The following RBFOX1 variants were observed in gnomAD, a reference collection of about 807,000 sequenced individuals.
The protein encoded by RBFOX1 is RNA binding fox-1 homolog 1.
A neutral mutation model predicts 57.7 loss-of-function variants in RBFOX1; 8 were observed. That is an observed-to-expected ratio of 0.14 (90% confidence interval 0.08 to 0.25). RBFOX1 has a LOEUF of 0.25. RBFOX1 is among the 10% of genes least tolerant of loss of function. The pLI is 1.00. For missense variants in RBFOX1, 611 were observed against 548.5 expected (o/e 1.11, Z -1.14); for synonymous variants, 326 against 222.4 (o/e 1.47, Z -4.15).
At chr16:5,555,119 C>G (rs992890106) in intron 2 of RBFOX1, among the ~76,000 whole-genome samples, 1 of 152,176 alleles carries the variant, frequency 6.6e-6, no homozygotes, top group Non-Finnish European at 1.5e-5. Context: ...GCCCGGGGTA[C>G]AGGGCAAGAG....
chr16:6,354,800 G>T (rs2086994818), intron 2 of RBFOX1, among the ~76,000 whole-genome samples: 1 of 152,094 alleles, frequency 6.6e-6, no homozygotes, highest in African/African-American at 2.4e-5. Flanking sequence ...AAAATTCATG[G>T]CACTTACTAA....
chr16:7,674,846 T>C (rs1359854105), intron 13 of RBFOX1, among the ~76,000 whole-genome samples: 1 of 152,162 alleles, frequency 6.6e-6, no homozygotes, highest in Non-Finnish European at 1.5e-5. Context: ...CCTTCTTCCA[T>C]TGACTGAAAC....
chr16:7,541,411 G>C (rs1440934835), intron 5 of RBFOX1, among the ~76,000 whole-genome samples: 1 of 151,904 alleles, frequency 6.6e-6, no homozygotes, highest in African/African-American at 2.4e-5. Flanking sequence ...GCTCCTTTCT[G>C]CTATGACATC....
chr16:6,243,340 A>G (rs2097550110), intron 1 of RBFOX1, among the ~76,000 whole-genome samples: 1 of 152,138 alleles, frequency 6.6e-6, no homozygotes, highest in South Asian at 2.1e-4. Flanking sequence ...AAGTATTTTG[A>G]TTCTTTAAAC....
intron 3 of RBFOX1, among the ~76,000 whole-genome samples, chr16:7,051,319 C>T (rs2049994561): frequency 1.3e-5 from 2 of 152,182 alleles, no homozygotes; most frequent in South Asian, 2.1e-4. Flanking sequence ...CACCCATCCC[C>T]TTAACCCACC....
At chr16:6,922,837 A>G (rs559627384) in intron 3 of RBFOX1, among the ~76,000 whole-genome samples, 10 of 152,322 alleles carry the variant, frequency 6.6e-5, no homozygotes, top group African/African-American at 2.2e-4. Context: ...ATGGTGTCAC[A>G]GAGCACATCA....
At chr16:6,146,309 T>A (rs574350556) in intron 1 of RBFOX1, among the ~76,000 whole-genome samples, 2 of 152,238 alleles carry the variant, frequency 1.3e-5, no homozygotes, top group Admixed American at 1.3e-4. Flanking sequence ...ATTATTTGAG[T>A]CTTTCCATTT....
At chr16:7,666,037 AT>A (rs1386062496) in intron 13 of RBFOX1, among the ~76,000 whole-genome samples, 1 of 152,180 alleles carries the variant, frequency 6.6e-6, no homozygotes, top group Non-Finnish European at 1.5e-5. Context: ...TGAACAACCC[AT>A]ATGTCCTAAT....
chr16:6,371,084 C>A (rs1231609848), intron 2 of RBFOX1, among the ~76,000 whole-genome samples: 3 of 152,102 alleles, frequency 2.0e-5, no homozygotes, highest in African/African-American at 7.2e-5. Flanking sequence ...ATTAGTTTGT[C>A]TATTATTGGT....
At chr16:6,168,052 T>C (rs996571166) in intron 1 of RBFOX1, among the ~76,000 whole-genome samples, 10 of 152,196 alleles carry the variant, frequency 6.6e-5, no homozygotes, top group African/African-American at 2.2e-4. Flanking sequence ...CAGTTTTGTC[T>C]GTGATATATT....
chr16:5,598,837 G>T, intron 2 of RBFOX1: 1 of 1,283,728 alleles, frequency 7.8e-7, no homozygotes, highest in Non-Finnish European at 1.0e-6. Context: ...GTTACTCAAG[G>T]TTAGAATTTT....
At chr16:7,223,475 G>T (rs186477342) in intron 4 of RBFOX1, among the ~76,000 whole-genome samples, 1 of 152,294 alleles carries the variant, frequency 6.6e-6, no homozygotes, top group Admixed American at 6.5e-5. Context: ...TAATGCGAAT[G>T]ATAGAATATT....
At chr16:6,021,236 A>C (rs918070812) in intron 1 of RBFOX1, among the ~76,000 whole-genome samples, 1 of 152,190 alleles carries the variant, frequency 6.6e-6, no homozygotes, top group Non-Finnish European at 1.5e-5. Flanking sequence ...TCCGTTGTGC[A>C]GAGAGGCCTG....
chr16:6,780,011 A>T (rs1399809800), intron 3 of RBFOX1, among the ~76,000 whole-genome samples: 1 of 66,556 alleles, frequency 1.5e-5, no homozygotes, highest in Non-Finnish European at 2.4e-5. Context: ...ATATATTTAT[A>T]TATATTTATA....
At chr16:7,663,117 C>A (rs1026290056) in intron 12 of RBFOX1, among the ~76,000 whole-genome samples, 2 of 152,312 alleles carry the variant, frequency 1.3e-5, no homozygotes, top group East Asian at 3.9e-4. Flanking sequence ...GTTTGGGACC[C>A]AAACTAAATA....
intron 2 of RBFOX1, among the ~76,000 whole-genome samples, chr16:6,337,899 G>A (rs2152820447): frequency 6.6e-6 from 1 of 152,252 alleles, no homozygotes; most frequent in East Asian, 1.9e-4. Context: ...GTCAATATCA[G>A]GAAGGCAGCA....
At chr16:5,694,114 T>C (rs2050775324) in intron 3 of RBFOX1, among the ~76,000 whole-genome samples, 1 of 152,186 alleles carries the variant, frequency 6.6e-6, no homozygotes, top group South Asian at 2.1e-4. Context: ...GGCTCAGAAG[T>C]AACCCTAATA....
intron 4 of RBFOX1, among the ~76,000 whole-genome samples, chr16:7,338,269 A>G (rs1396712152): frequency 6.9e-6 from 1 of 145,104 alleles, no homozygotes; most frequent in Non-Finnish European, 1.5e-5. Context: ...CTGAGATGGT[A>G]AGCTCTCAGA....
rs963556 is a variant in RBFOX1 at position 5,459,503 on chromosome 16, C to T, written c.220-7713C>T. ...TGAATCCCAGGCTCACGTGACCAAC[C>T]GCCTGACCACTCTAAATGGATGTCT... On this transcript the variant is annotated intron_variant, in intron 1 of 2. Coordinates refer to the RBFOX1 transcript ENST00000585867. Among the ~76,000 whole-genome samples the T allele has an allele frequency of 7.1e-3, 1,086 of 152,148 alleles. 12 individuals carry two copies. The highest frequency in any genetic ancestry group is 0.025 in the African/African-American group (1,049 of 41,500).
Sources: allele counts gnomAD v4.1 joint callset (sites outside exome capture counted in the v4.1 genomes callset), GRCh38; gene constraint gnomAD v4.1.1; transcripts MANE v1.5; gene names NCBI Gene and HGNC (gene_info 2026-07-23, HGNC 2026-07-21).